C18orf63: variants seen among roughly 807,000 people sequenced by gnomAD.
The protein encoded by C18orf63 is chromosome 18 open reading frame 63, also known as uncharacterized protein C18orf63.
Under a neutral mutation model 75.3 loss-of-function variants are expected in C18orf63, and 50 were observed. That is an observed-to-expected ratio of 0.66 (90% confidence interval 0.53 to 0.84). C18orf63 has a LOEUF of 0.84. Ranked by LOEUF, C18orf63 falls within the 40% of genes least tolerant of loss-of-function variation. C18orf63 has a pLI of 0.00. For missense variants in C18orf63, 732 were observed against 800.2 expected (o/e 0.91, Z 1.03); for synonymous variants, 232 against 267.6 (o/e 0.87, Z 1.30).
chr18:74,347,849 C>A (rs1000504711), intron 11 of C18orf63, among the ~76,000 whole-genome samples: 19 of 152,100 alleles, frequency 1.2e-4, no homozygotes, highest in Non-Finnish European at 2.9e-5. Flanking sequence ...GTATAATCAC[C>A]TCTCATGTGC....
chr18:74,322,728 G>A lies in C18orf63; in HGVS notation c.244G>A (p.Ala82Thr). ...ATTTTATAAAGCAAGAAAACTTAAT[G>A]CCTATGTTGAAAAATATGGAGCTAA... is the stretch of plus-strand genomic sequence containing the variant. ...IPFYKARKLN[A>T]YVEKYGAKME... Residue 82 changes from alanine to threonine, a missense_variant, in exon 4 of 14, where the codon GCC (alanine) becomes ACC (threonine). This residue lies in a region of C18orf63 where 233 missense variants were observed against 272.7 expected (regional missense o/e 0.85). Coordinates refer to ENST00000579455, the MANE Select transcript of C18orf63 (RefSeq NM_001174123.2). 2 of 1,354,990 alleles carry A rather than the reference G, an allele frequency of 1.5e-6. No individual in the cohort carries two copies. Among genetic ancestry groups the A allele is most frequent in the Non-Finnish European group, 2.0e-6 (2 of 1,001,864 alleles). 83.9% of individuals were successfully genotyped at this position (1,354,990 alleles called of 1,614,324 possible).
At chr18:74,326,553 A>G (rs1335007031) in intron 4 of C18orf63, among the ~76,000 whole-genome samples, 1 of 152,142 alleles carries the variant, frequency 6.6e-6, no homozygotes, top group Non-Finnish European at 1.5e-5. Context: ...CTAGACTCTC[A>G]GCTCTGTCTC....
At chr18:74,324,073 G>T (rs1984168032) in intron 4 of C18orf63, among the ~76,000 whole-genome samples, 1 of 152,178 alleles carries the variant, frequency 6.6e-6, no homozygotes, top group Non-Finnish European at 1.5e-5. Context: ...TGAATAAATT[G>T]CTGCATGAAT....
rs1266760824 is a variant in C18orf63 at position 74,359,047 on chromosome 18, T to C, written c.*2600T>C. 1 of 152,194 alleles carries C rather than the reference T, an allele frequency of 6.6e-6. No homozygotes were observed. The highest frequency in any genetic ancestry group is 2.4e-5 in the African/African-American group (1 of 41,442). 9.4% of individuals were successfully genotyped at this position (152,194 alleles called of 1,614,324 possible). A position where few individuals can be genotyped will look rare whatever the true frequency, so the allele number is the denominator to read the frequency against. Reference sequence around the variant, plus strand: ...TGAAACTGCTAATATATTGGGTATTTATTGATACTTAGGAATAGTCAGTAT... The same window carrying C: ...TGAAACTGCTAATATATTGGGTATTCATTGATACTTAGGAATAGTCAGTAT... On this transcript the variant is annotated 3_prime_UTR_variant, in exon 14 of 14. Transcript: ENST00000579455.
intron 8 of C18orf63, 140 bp from the exon 9 acceptor site, chr18:74,341,892 A>G (rs1020083979): frequency 1.5e-5 from 8 of 516,786 alleles, no homozygotes; most frequent in Non-Finnish European, 2.4e-5. Flanking sequence ...ACGTGTTTGA[A>G]ACTTGAGATG....
chr18:74,351,800 A>G (rs1375302139), intron 11 of C18orf63, among the ~76,000 whole-genome samples: 1 of 152,150 alleles, frequency 6.6e-6, no homozygotes, highest in Non-Finnish European at 1.5e-5. Context: ...TAATTCAACA[A>G]TGGAACCTCC....
intron 7 of C18orf63, among the ~76,000 whole-genome samples, chr18:74,332,043 G>A (rs1599003738): frequency 6.6e-6 from 1 of 152,158 alleles, no homozygotes; most frequent in East Asian, 1.9e-4. Flanking sequence ...TCCAAACCGT[G>A]TGTGATCTCC....
At position 74,357,201 on chromosome 18, in the gene C18orf63, G is replaced by A. The variant is rs907071789; in HGVS notation, c.*754G>A. ...TTTCTGTTTCCACCAGTACTCATTAGCATCTTCTGTGTGCCAGGCAGTGGG... is the reference window on the plus strand; with the variant it reads ...TTTCTGTTTCCACCAGTACTCATTAACATCTTCTGTGTGCCAGGCAGTGGG... On this transcript the variant is annotated 3_prime_UTR_variant, in exon 14 of 14. Transcript: ENST00000579455. 6.6e-6 allele frequency: 1 copy of A among 152,112 alleles called. No homozygotes were observed. The highest frequency in any genetic ancestry group is 1.5e-5 in the Non-Finnish European group (1 of 68,024). 9.4% of individuals were successfully genotyped at this position (152,112 alleles called of 1,614,324 possible).
At position 74,330,914 on chromosome 18, in the gene C18orf63, C is replaced by G. The variant is rs1049613425; in HGVS notation, c.473C>G (p.Ala158Gly). ...TETQVCLSIE[A>G]CTIRLPAPEL... ...ACTCAAGTTTGTCTAAGTATAGAAG[C>G]TTGCACAATCAGACTGCCAGCACCT... The change falls in exon 7 of 14, where the codon GCT becomes GGT. Residue 158 changes from alanine to glycine, a missense_variant. Around this residue, in one of 3 missense-constraint regions of C18orf63, gnomAD observed 233 missense variants for 272.7 expected, o/e 0.85. Transcript: ENST00000579455. The G allele has an allele frequency of 6.8e-7, 1 of 1,476,760 alleles. No individual in the cohort carries two copies. Among genetic ancestry groups the G allele is most frequent in the African/African-American group, 1.4e-5 (1 of 70,596 alleles). The allele number at this position is 1,476,760 out of a possible 1,614,324, so 91.5% of individuals were successfully genotyped here. A position where few individuals can be genotyped will look rare whatever the true frequency, so the allele number is the denominator to read the frequency against.
intron 11 of C18orf63, among the ~76,000 whole-genome samples, chr18:74,349,796 G>A (rs1363380283): frequency 6.6e-6 from 1 of 152,046 alleles, no homozygotes; most frequent in Non-Finnish European, 1.5e-5. Flanking sequence ...CTACACTTAA[G>A]CTGCTAACTC....
At chr18:74,336,884 A>T (rs1468448845) in intron 7 of C18orf63, among the ~76,000 whole-genome samples, 9 of 152,028 alleles carry the variant, frequency 5.9e-5, no homozygotes, top group Non-Finnish European at 1.3e-4. Context: ...TTCTCTTTCC[A>T]GTTAGTCTTT....
chr18:74,358,266 A>C lies in C18orf63; in HGVS notation c.*1819A>C, dbSNP rs1180428662. The C allele has an allele frequency of 1.5e-5, 2 of 134,082 alleles. No homozygotes were observed. The highest frequency in any genetic ancestry group is 3.3e-5 in the Non-Finnish European group (2 of 61,078). The allele number at this position is 134,082 out of a possible 1,614,324, so 8.3% of individuals were successfully genotyped here. A position where few individuals can be genotyped will look rare whatever the true frequency, so the allele number is the denominator to read the frequency against. On this transcript the variant is annotated 3_prime_UTR_variant, in exon 14 of 14. Coordinates refer to ENST00000579455, the MANE Select transcript of C18orf63 (RefSeq NM_001174123.2). ...TGAGTTTAGATCAATGTTAACCTACATGGCAAAACCTGCCATGTTTAGTGT... is the reference window on the plus strand; with the variant it reads ...TGAGTTTAGATCAATGTTAACCTACCTGGCAAAACCTGCCATGTTTAGTGT...
rs1984676888 is a variant in C18orf63, at chr18:74,352,150, G to C, written c.979-1096G>C. On this transcript the variant is annotated intron_variant, in intron 11 of 13. Transcript: ENST00000579455. The stretch of plus-strand genomic sequence containing the variant: ...AAATGAAATAAGCCAGACACAAAAA[G>C]ACAAATATTGTATGATTCCACTTAC... Among the ~76,000 whole-genome samples, 2 of 152,126 alleles carry C rather than the reference G, an allele frequency of 1.3e-5. 1 individual carries two copies. Among genetic ancestry groups the C allele is most frequent in the South Asian group, 4.1e-4 (2 of 4,824 alleles).
chr18:74,356,694 A>G lies in C18orf63; in HGVS notation c.*247A>G, dbSNP rs1363354822. On this transcript the variant is annotated 3_prime_UTR_variant, in exon 14 of 14. Coordinates refer to ENST00000579455, the MANE Select transcript of C18orf63 (RefSeq NM_001174123.2). ...CAGTTCTTCCCAACTTTTCACTATT[A>G]CAACATCATGTAGTCTGCAGATCTT... The G allele has an allele frequency of 1.8e-5, 2 of 113,720 alleles. No homozygotes were observed. Among genetic ancestry groups the G allele is most frequent in the Non-Finnish European group, 4.2e-5 (2 of 47,704 alleles). The allele number at this position is 113,720 out of a possible 1,614,324, so 7.0% of individuals were successfully genotyped here. A position where few individuals can be genotyped will look rare whatever the true frequency, so the allele number is the denominator to read the frequency against.
At position 74,357,822 on chromosome 18, in the gene C18orf63, A is replaced by C. The variant is rs1412673013; in HGVS notation, c.*1375A>C. On this transcript the variant is annotated 3_prime_UTR_variant, in exon 14 of 14. Transcript: ENST00000579455. ...CAATTATTTTACCATTTTCATAAGG[A>C]TAAGCATTTTGTCTGAAGCCCATTT... The C allele has an allele frequency of 6.6e-6, 1 of 152,198 alleles. No homozygotes were observed. The highest frequency in any genetic ancestry group is 6.5e-5 in the Admixed American group (1 of 15,286). The allele number at this position is 152,198 out of a possible 1,614,324, so 9.4% of individuals were successfully genotyped here.
intron 10 of C18orf63, among the ~76,000 whole-genome samples, chr18:74,343,307 T>C (rs180814090): frequency 6.6e-6 from 1 of 152,268 alleles, no homozygotes; most frequent in Non-Finnish European, 1.5e-5. Context: ...TTATGAATTG[T>C]CTTGATTTGG....
intron 7 of C18orf63, among the ~76,000 whole-genome samples, chr18:74,335,036 A>G (rs113745987): frequency 2.7e-4 from 41 of 152,254 alleles, no homozygotes; most frequent in African/African-American, 9.6e-4. Flanking sequence ...CCTAAGTCTC[A>G]TCTCTCTTGG....
chr18:74,337,745 T>C (rs1192298924), intron 7 of C18orf63, among the ~76,000 whole-genome samples: 2 of 152,148 alleles, frequency 1.3e-5, no homozygotes, highest in African/African-American at 4.8e-5. Flanking sequence ...GCATATCTTA[T>C]CTTCCTCTTC....
chr18:74,330,607 A>AT (rs1405094621), intron 6 of C18orf63, among the ~76,000 whole-genome samples: 4 of 151,688 alleles, frequency 2.6e-5, no homozygotes, highest in South Asian at 2.1e-4. Flanking sequence ...GGGGTGTCTC[A>AT]TTTTTTTTAT....
Sources: gnomAD v4.1 joint callset for allele counts (sites outside exome capture counted in the v4.1 genomes callset) on GRCh38, gnomAD v4.1.1 for gene constraint, gnomAD v4.1.1 regional missense constraint, MANE v1.5 for transcripts, NCBI Gene and HGNC (gene_info 2026-07-23, HGNC 2026-07-21) for gene names.